The following SIPA1L3 variants were observed in gnomAD, a reference collection of about 807,000 sequenced individuals.
The protein encoded by SIPA1L3 is signal induced proliferation associated 1 like 3.
A neutral mutation model predicts 150.1 loss-of-function variants in SIPA1L3; 59 were observed. The observed-to-expected ratio is 0.39, with a 90% CI of 0.32 to 0.49. The LOEUF is 0.49. Ranked by LOEUF, SIPA1L3 falls within the 20% of genes least tolerant of loss-of-function variation. SIPA1L3 has a pLI of 0.86. For synonymous variants in SIPA1L3, 1,070 were observed against 1,077.6 expected, an observed-to-expected ratio of 0.99 and a Z score of 0.14; for missense variants, 2,211 against 2,489.5, an observed-to-expected ratio of 0.89 and a Z score of 2.38.
chr19:38,083,651 T>C (rs2145827913), intron 3 of SIPA1L3, among the ~76,000 whole-genome samples: 1 of 152,240 alleles, frequency 6.6e-6, no homozygotes, highest in South Asian at 2.1e-4. Context: ...GAAGTCACCA[T>C]GTGCAAATTG....
intron 10 of SIPA1L3, among the ~76,000 whole-genome samples, chr19:38,139,424 G>C (rs919739452): frequency 1.3e-5 from 2 of 152,170 alleles, no homozygotes; most frequent in African/African-American, 2.4e-5. Context: ...GAGACACCAG[G>C]CAGGCAGGAA....
chr19:38,202,786 G>T (rs1202290733), intron 20 of SIPA1L3, among the ~76,000 whole-genome samples: 1 of 152,084 alleles, frequency 6.6e-6, no homozygotes, highest in Non-Finnish European at 1.5e-5. Flanking sequence ...GTGCTGGGCT[G>T]TCTGAGGACC....
At chr19:38,026,582 G>A (rs1011840783) in intron 1 of SIPA1L3, among the ~76,000 whole-genome samples, 4 of 152,120 alleles carry the variant, frequency 2.6e-5, no homozygotes, top group Non-Finnish European at 4.4e-5. Context: ...AGCAACCGAC[G>A]CCTGGAACCC....
chr19:38,037,923 C>G (rs538255913), intron 2 of SIPA1L3, among the ~76,000 whole-genome samples: 2 of 152,248 alleles, frequency 1.3e-5, no homozygotes, highest in African/African-American at 4.8e-5. Flanking sequence ...GACTGTCTGT[C>G]ACGGTGCCTT....
At chr19:38,027,000 A>G (rs1300809827) in intron 1 of SIPA1L3, among the ~76,000 whole-genome samples, 1 of 152,182 alleles carries the variant, frequency 6.6e-6, no homozygotes, top group African/African-American at 2.4e-5. Context: ...GTAATATAAC[A>G]GCATTAATAG....
chr19:37,959,003 T>C (rs574320594), intron 1 of SIPA1L3, among the ~76,000 whole-genome samples: 2 of 152,338 alleles, frequency 1.3e-5, no homozygotes, highest in Admixed American at 6.5e-5. Context: ...CTAGGATGGC[T>C]AGAGCCAAAA....
chr19:38,139,742 G>C (rs1458749996), intron 10 of SIPA1L3, among the ~76,000 whole-genome samples: 1 of 152,200 alleles, frequency 6.6e-6, no homozygotes, highest in African/African-American at 2.4e-5. Context: ...ATAAAGAACA[G>C]ACATACATTT....
rs55915840 is a variant in SIPA1L3, at chr19:38,054,793, G to A, written c.-311+25637G>A. Among the ~76,000 whole-genome samples the A allele has an allele frequency of 8.4e-3, 1,278 of 152,266 alleles. 21 individuals are homozygous for A. The highest frequency in any genetic ancestry group is 0.028 in the African/African-American group (1,180 of 41,540). ...ACACAGCCGTGAAGCCACTGTTGTC[G>A]TCCCCACTTTCCAGGGGCATCACAC... On this transcript the variant is annotated intron_variant, in intron 2 of 21. Coordinates refer to ENST00000222345, the MANE Select transcript of SIPA1L3 (RefSeq NM_015073.3).
intron 7 of SIPA1L3, among the ~76,000 whole-genome samples, chr19:38,107,218 G>A (rs573904108): frequency 1.2e-4 from 18 of 152,298 alleles, no homozygotes; most frequent in African/African-American, 4.3e-4. Flanking sequence ...TTTTCCAGTT[G>A]TCCCAGAAGT....
intron 1 of SIPA1L3, among the ~76,000 whole-genome samples, chr19:37,942,691 GAGA>G (rs1170239125): frequency 6.6e-6 from 1 of 152,052 alleles, no homozygotes; most frequent in Non-Finnish European, 1.5e-5. Flanking sequence ...GCAGTGAGGA[GAGA>G]AGTAGAGTCC....
chr19:37,998,356 G>A (rs1186642243), intron 1 of SIPA1L3, among the ~76,000 whole-genome samples: 1 of 152,150 alleles, frequency 6.6e-6, no homozygotes, highest in Non-Finnish European at 1.5e-5. Context: ...GGAGTATGTG[G>A]TAGGACATAG....
intron 1 of SIPA1L3, among the ~76,000 whole-genome samples, chr19:37,977,614 G>A (rs1967106877): frequency 6.6e-6 from 1 of 152,004 alleles, no homozygotes. Context: ...AGGAACGAGG[G>A]AGAAACAGTT....
At chr19:38,195,807 C>A (rs982521291) in intron 18 of SIPA1L3, among the ~76,000 whole-genome samples, 1 of 133,280 alleles carries the variant, frequency 7.5e-6, no homozygotes, top group Non-Finnish European at 1.7e-5. Context: ...CCCCCGCCCC[C>A]CCGGGTTTCT....
chr19:38,134,284 C>G (rs1430993445), intron 10 of SIPA1L3, among the ~76,000 whole-genome samples: 1 of 150,234 alleles, frequency 6.7e-6, no homozygotes, highest in Non-Finnish European at 1.5e-5. Context: ...GCACCCAGCC[C>G]AAATTTTTAA....
At chr19:38,000,835 G>A (rs1967766489) in intron 1 of SIPA1L3, among the ~76,000 whole-genome samples, 2 of 147,122 alleles carry the variant, frequency 1.4e-5, no homozygotes, top group South Asian at 4.2e-4. Flanking sequence ...GAGAGAATGA[G>A]TAACTCTATA....
intron 13 of SIPA1L3, among the ~76,000 whole-genome samples, chr19:38,156,367 C>T (rs986406190): frequency 1.3e-5 from 2 of 151,434 alleles, no homozygotes; most frequent in African/African-American, 4.9e-5. Flanking sequence ...CCTGCATACA[C>T]CATGGGCCCC....
intron 4 of SIPA1L3, among the ~76,000 whole-genome samples, chr19:38,090,349 G>T (rs1970232958): frequency 7.3e-6 from 1 of 136,738 alleles, no homozygotes; most frequent in South Asian, 2.3e-4. Flanking sequence ...AAAAAAAAAA[G>T]GCTTACACTG....
intron 13 of SIPA1L3, among the ~76,000 whole-genome samples, chr19:38,154,876 C>T (rs748773331): frequency 2.0e-4 from 31 of 151,920 alleles, no homozygotes; most frequent in South Asian, 4.2e-4. Flanking sequence ...ATTCTCCTGC[C>T]TCAGCCTCCC....
chr19:38,183,605 G>A (rs886711598), intron 16 of SIPA1L3, among the ~76,000 whole-genome samples: 6 of 152,192 alleles, frequency 3.9e-5, no homozygotes, highest in African/African-American at 1.4e-4. Context: ...GCGTGAGGGG[G>A]GCCCTTGAGT....
Sources: allele counts gnomAD v4.1 joint callset (sites outside exome capture counted in the v4.1 genomes callset), GRCh38; gene constraint gnomAD v4.1.1; transcripts MANE v1.5; gene names NCBI Gene and HGNC (gene_info 2026-07-23, HGNC 2026-07-21).